KCNQ1: variants seen among roughly 807,000 people sequenced by gnomAD.
KCNQ1 encodes the protein potassium voltage-gated channel subfamily Q member 1, also known as potassium voltage-gated channel subfamily KQT member 1.
KCNQ1 carries 49 observed loss-of-function variants against 72.4 expected under a neutral mutation model. That is an observed-to-expected ratio of 0.68 (90% confidence interval 0.54 to 0.86). The LOEUF is 0.86. Among genes scored for constraint, KCNQ1 ranks in the 40% least tolerant of loss-of-function variants. KCNQ1 has a pLI of 0.00. For synonymous variants in KCNQ1, 450 were observed against 412.6 expected, an observed-to-expected ratio of 1.09 and a Z score of -1.10; for missense variants, 790 against 945.1, an observed-to-expected ratio of 0.84 and a Z score of 2.15.
At chr11:2,739,947 G>A (rs1846023320) in intron 11 of KCNQ1, among the ~76,000 whole-genome samples, 1 of 152,252 alleles carries the variant, frequency 6.6e-6, no homozygotes, top group East Asian at 1.9e-4. Flanking sequence ...TGGGTGTGCA[G>A]GTGGGGTGGT....
chr11:2,584,943 C>T (rs1191271721), intron 7 of KCNQ1, among the ~76,000 whole-genome samples: 2 of 152,164 alleles, frequency 1.3e-5, no homozygotes, highest in Admixed American at 6.5e-5. Context: ...GCCCACCTGG[C>T]CCCCAGAATG....
Position 2,691,741 on chromosome 11 carries a change from G to A in KCNQ1, c.1514+29660G>A, listed in dbSNP as rs148467972. ...AGCCCACAGGGAGCCACACAGGCAG[G>A]GGACATTCCACTAGGGCCATTTGCA... is the stretch of plus-strand genomic sequence containing the variant. On this transcript the variant is annotated intron_variant, in intron 11 of 15. Coordinates refer to ENST00000155840, the MANE Select transcript of KCNQ1 (RefSeq NM_000218.3). The surrounding 1 kb of genome is among the most constrained non-coding windows in gnomAD (Gnocchi z 6.4). 869 of 398,624 alleles carry A rather than the reference G, an allele frequency of 2.2e-3. 1 individual carries two copies. The highest frequency in any genetic ancestry group is 8.2e-3 in the Middle Eastern group (13 of 1,590). The allele number at this position is 398,624 out of a possible 1,614,324, so 24.7% of individuals were successfully genotyped here.
At position 2,615,777 on chromosome 11, in the gene KCNQ1, T is replaced by C. The variant is rs561038242; in HGVS notation, c.1393+26923T>C. On this transcript the variant is annotated intron_variant, in intron 10 of 15. Transcript: ENST00000155840. ...ATCCTTTTTAATATGCTGCTGAATT[T>C]GGCTTACTAGTACTTTGTTAAATAA... 19 of 398,134 alleles carry C rather than the reference T, an allele frequency of 4.8e-5. No individual in the cohort carries two copies. The East Asian group carries it at 6.4e-4, about 13-fold the overall frequency. 24.7% of individuals were successfully genotyped at this position (398,134 alleles called of 1,614,324 possible).
intron 11 of KCNQ1, chr11:2,667,478 G>A (rs1850099257): frequency 2.5e-6 from 1 of 397,450 alleles, no homozygotes; most frequent in Non-Finnish European, 4.4e-6. Context: ...TGGAGGATGT[G>A]ACAGAGAGAA....
At chr11:2,619,131 T>C (rs1849120024) in intron 10 of KCNQ1, 1 of 398,576 alleles carries the variant, frequency 2.5e-6, no homozygotes, top group Non-Finnish European at 4.4e-6. Context: ...ATAAAGATAA[T>C]ATTACTTCTT....
Position 2,803,386 on chromosome 11 carries a change from A to G in KCNQ1, c.1794+25349A>G, listed in dbSNP as rs1315237258. Among the ~76,000 whole-genome samples the G allele has an allele frequency of 1.3e-5, 2 of 152,162 alleles. No homozygotes were observed. Among genetic ancestry groups the G allele is most frequent in the Non-Finnish European group, 2.9e-5 (2 of 68,004 alleles). Reference sequence around the variant, plus strand: ...GCTTGGAGGATGTGGCAGAGTTCCCATGGTGTGTGTAGAATGATATTCCCT... The same window carrying G: ...GCTTGGAGGATGTGGCAGAGTTCCCGTGGTGTGTGTAGAATGATATTCCCT... On this transcript the variant is annotated intron_variant, in intron 15 of 15. Coordinates refer to ENST00000155840, the MANE Select transcript of KCNQ1 (RefSeq NM_000218.3). This position sits in a 1 kb window ranked among gnomAD's most constrained non-coding sequence, Gnocchi z 6.4.
At chr11:2,532,226 G>A (rs1158224083) in intron 2 of KCNQ1, among the ~76,000 whole-genome samples, 1 of 152,194 alleles carries the variant, frequency 6.6e-6, no homozygotes, top group African/African-American at 2.4e-5. Context: ...CCCTGAGGGT[G>A]GGACCCCGTG....
Position 2,601,845 on chromosome 11 carries a change from G to A in KCNQ1, c.1393+12991G>A, listed in dbSNP as rs1848812984. The stretch of plus-strand genomic sequence containing the variant: ...TCCAAGGACATGTGGGTCATTCCCA[G>A]TTTGGGCTATTACAAATCAGAGTAG... On this transcript the variant is annotated intron_variant, in intron 10 of 15. Transcript: ENST00000155840. The surrounding 1 kb of genome is among the most constrained non-coding windows in gnomAD (Gnocchi z 5.2). 1.3e-5 allele frequency among the ~76,000 whole-genome samples: 2 copies of A among 152,280 alleles called. No homozygotes were observed. Among genetic ancestry groups the A allele is most frequent in the Admixed American group, 1.3e-4 (2 of 15,290 alleles).
At chr11:2,636,396 G>C (rs1469428893) in intron 10 of KCNQ1, 1 of 151,944 alleles carries the variant, frequency 6.6e-6, no homozygotes, top group Non-Finnish European at 1.5e-5. Flanking sequence ...TAGCATGAAG[G>C]GCTGTTGAAT....
chr11:2,671,377 G>A lies in KCNQ1; in HGVS notation c.1514+9296G>A, dbSNP rs1228779775. ...TGGGAATATCCTGAAAAAGGTACAG[G>A]AACACCTGGCATGCCTCTCCCAGGG... On this transcript the variant is annotated intron_variant, in intron 11 of 15. Transcript: ENST00000155840. This position sits in a 1 kb window ranked among gnomAD's most constrained non-coding sequence, Gnocchi z 4.7. 9 of 398,394 alleles carry A rather than the reference G, an allele frequency of 2.3e-5. No individual in the cohort carries two copies. Among genetic ancestry groups the A allele is most frequent in the Admixed American group, 1.3e-4 (3 of 22,694 alleles). The allele number at this position is 398,394 out of a possible 1,614,324, so 24.7% of individuals were successfully genotyped here.
At chr11:2,777,194 C>T (rs921150027) in intron 14 of KCNQ1, among the ~76,000 whole-genome samples, 162 bp downstream of exon 14, 1 of 152,204 alleles carries the variant, frequency 6.6e-6, no homozygotes, top group Admixed American at 6.5e-5. Flanking sequence ...AGACCCCACC[C>T]TTAGCAAAGT....
At chr11:2,662,759 C>A (rs1450302128) in intron 11 of KCNQ1, 2 of 399,242 alleles carry the variant, frequency 5.0e-6, no homozygotes, top group African/African-American at 4.1e-5. Context: ...TGGCTGCTAA[C>A]CCGTTGGGGA....
chr11:2,528,987 T>C (rs1449852358), intron 2 of KCNQ1, among the ~76,000 whole-genome samples: 1 of 152,228 alleles, frequency 6.6e-6, no homozygotes, highest in Non-Finnish European at 1.5e-5. Flanking sequence ...TGTGGTTTCC[T>C]CCAGCCCTGA....
intron 15 of KCNQ1, among the ~76,000 whole-genome samples, chr11:2,786,306 T>A (rs1274461901): frequency 6.6e-6 from 1 of 152,210 alleles, no homozygotes; most frequent in Non-Finnish European, 1.5e-5. Context: ...AGAATGAAGA[T>A]GATGAATTGT....
rs889100685 is a variant in KCNQ1 at position 2,803,589 on chromosome 11, G to A, written c.1794+25552G>A. On this transcript the variant is annotated intron_variant, in intron 15 of 15. Transcript: ENST00000155840. The surrounding 1 kb of genome is among the most constrained non-coding windows in gnomAD (Gnocchi z 6.4). The stretch of plus-strand genomic sequence containing the variant: ...GCTTCAGTGGAGCCCGCCAGGACTG[G>A]GGACACAAGCCTAGGCCTGTACCGT... Among the ~76,000 whole-genome samples the A allele has an allele frequency of 6.6e-6, 1 of 152,100 alleles. No homozygotes were observed. Among genetic ancestry groups the A allele is most frequent in the South Asian group, 2.1e-4 (1 of 4,824 alleles).
At chr11:2,835,419 ACACACACACG>A (rs1426729501) in intron 15 of KCNQ1, among the ~76,000 whole-genome samples, 1 of 124,898 alleles carries the variant, frequency 8.0e-6, no homozygotes, top group African/African-American at 2.8e-5. Flanking sequence ...ACACACACAC[ACACACACACG>A]CACACATGCA....
At chr11:2,586,351 AC>A (rs918591478) in intron 8 of KCNQ1, among the ~76,000 whole-genome samples, 4 of 152,060 alleles carry the variant, frequency 2.6e-5, no homozygotes, top group African/African-American at 9.7e-5. Flanking sequence ...GTGTGCTCCC[AC>A]CCTTAGCCTG....
rs1590032346 is a variant in KCNQ1 at position 2,686,840 on chromosome 11, C to T, written c.1514+24759C>T. On this transcript the variant is annotated intron_variant, in intron 11 of 15. Transcript: ENST00000155840. ...GAGCAGCACAAGTAACTCAGAGCCA[C>T]TGTCCCCTCTGGCCAGAGGCCCTGG... 1.5e-5 allele frequency: 6 copies of T among 398,710 alleles called. No individual in the cohort carries two copies. In the East Asian group the frequency reaches 2.1e-4, roughly 14 times the overall value. 24.7% of individuals were successfully genotyped at this position (398,710 alleles called of 1,614,324 possible).
rs1215638952 is a variant in KCNQ1 at position 2,451,437 on chromosome 11, C to T, written c.386+5953C>T. On this transcript the variant is annotated intron_variant, in intron 1 of 15. Coordinates refer to ENST00000155840, the MANE Select transcript of KCNQ1 (RefSeq NM_000218.3). The surrounding 1 kb of genome is among the most constrained non-coding windows in gnomAD (Gnocchi z 6.4). ...CCTGCTCCCTAACAGGCCACGGACCCGGGGTTGGAGAACCCTGTCTTAGAG... is the reference window on the plus strand; with the variant it reads ...CCTGCTCCCTAACAGGCCACGGACCTGGGGTTGGAGAACCCTGTCTTAGAG... Among the ~76,000 whole-genome samples the T allele has an allele frequency of 1.3e-5, 2 of 152,188 alleles. No homozygotes were observed. Among genetic ancestry groups the T allele is most frequent in the South Asian group, 2.1e-4 (1 of 4,832 alleles).
Sources: gnomAD v4.1 joint callset for allele counts (sites outside exome capture counted in the v4.1 genomes callset) on GRCh38, gnomAD v4.1.1 for gene constraint, Gnocchi (gnomAD v3.1) non-coding constraint, MANE v1.5 for transcripts, NCBI Gene and HGNC (gene_info 2026-07-23, HGNC 2026-07-21) for gene names.